Variants in RBFOX1 observed in about 807,000 individuals in gnomAD.
RBFOX1 encodes RNA binding protein fox-1 homolog 1.
A neutral mutation model predicts 57.7 loss-of-function variants in RBFOX1; 8 were observed. That is an observed-to-expected ratio of 0.14 (90% CI 0.08 to 0.25). The LOEUF (loss-of-function observed/expected upper bound fraction) is 0.25. Ranked by LOEUF, RBFOX1 falls within the 10% of genes least tolerant of loss-of-function variation. The pLI, the probability that RBFOX1 is intolerant of heterozygous loss-of-function variation, is 1.00. For synonymous variants in RBFOX1, 326 were observed against 222.4 expected, an observed-to-expected ratio of 1.47 and a Z score of -4.15; for missense variants, 611 against 548.5, an observed-to-expected ratio of 1.11 and a Z score of -1.14.
At chr16:5,872,178 G>T (rs2057490569) in intron 4 of RBFOX1, among the ~76,000 whole-genome samples, 1 of 152,208 alleles carries the variant, frequency 6.6e-6, no homozygotes, top group African/African-American at 2.4e-5. Flanking sequence ...GTGAACAGAA[G>T]ATCAGTCCTA....
intron 2 of RBFOX1, among the ~76,000 whole-genome samples, chr16:6,637,591 A>ATATAGTATATATATAATAGTCTG (rs1567988434): frequency 1.2e-4 from 17 of 142,426 alleles, no homozygotes; most frequent in Admixed American, 1.2e-3. Context: ...ATAATAGTCT[A>ATATAGTATATATATAATAGTCTG]TATATATATT....
intron 2 of RBFOX1, among the ~76,000 whole-genome samples, chr16:6,392,192 G>A (rs1057362212): frequency 6.6e-6 from 1 of 152,148 alleles, no homozygotes; most frequent in South Asian, 2.1e-4. Context: ...TCTAAAATTC[G>A]TGGCCCAACG....
intron 5 of RBFOX1, among the ~76,000 whole-genome samples, chr16:7,573,359 G>A (rs908636789): frequency 3.3e-5 from 5 of 152,124 alleles, no homozygotes; most frequent in Non-Finnish European, 5.9e-5. Flanking sequence ...TGACGATCCA[G>A]GTTGGAGACC....
intron 3 of RBFOX1, among the ~76,000 whole-genome samples, chr16:6,956,795 G>T (rs1320274920): frequency 2.6e-5 from 4 of 152,196 alleles, no homozygotes; most frequent in Non-Finnish European, 5.9e-5. Flanking sequence ...GGTATCTCAT[G>T]TGGTTGCAGA....
At chr16:5,496,184 G>A (rs949272199) in intron 2 of RBFOX1, among the ~76,000 whole-genome samples, 1 of 152,162 alleles carries the variant, frequency 6.6e-6, no homozygotes, top group African/African-American at 2.4e-5. Flanking sequence ...AAACCCCGCT[G>A]AGCACATCTC....
chr16:6,843,559 G>C (rs541177977), intron 3 of RBFOX1, among the ~76,000 whole-genome samples: 1 of 152,004 alleles, frequency 6.6e-6, no homozygotes, highest in Non-Finnish European at 1.5e-5. Context: ...CATGGTGGCG[G>C]GCACCTGTAG....
chr16:5,717,825 A>T (rs2051771603), intron 3 of RBFOX1, among the ~76,000 whole-genome samples: 1 of 152,176 alleles, frequency 6.6e-6, no homozygotes, highest in Non-Finnish European at 1.5e-5. Flanking sequence ...GATCCTCACA[A>T]CCACTATGTC....
intron 4 of RBFOX1, among the ~76,000 whole-genome samples, chr16:5,900,210 A>G (rs148276016): frequency 1.1e-4 from 17 of 152,336 alleles, no homozygotes; most frequent in African/African-American, 4.1e-4. Context: ...GGGTGGGGCC[A>G]ATGTGGGAGA....
chr16:5,905,227 C>G (rs796444447), intron 4 of RBFOX1, among the ~76,000 whole-genome samples: 27 of 151,766 alleles, frequency 1.8e-4, no homozygotes, highest in African/African-American at 6.3e-4. Context: ...GCCACCACAC[C>G]TAGCTAATTT....
At chr16:5,243,968 C>G (rs1374708862) in intron 1 of RBFOX1, among the ~76,000 whole-genome samples, 3 of 152,080 alleles carry the variant, frequency 2.0e-5, no homozygotes, top group African/African-American at 7.2e-5. Context: ...ATGATCTCCG[C>G]TCACTGCAAC....
chr16:6,574,771 G>A (rs1277864326), intron 2 of RBFOX1, among the ~76,000 whole-genome samples: 1 of 144,504 alleles, frequency 6.9e-6, no homozygotes, highest in Admixed American at 6.8e-5. Flanking sequence ...GGGCGTGGTG[G>A]CTCACGCCTG....
In RBFOX1 at chr16:7,009,895, T is replaced by A. The variant is rs185213102; in HGVS notation, c.-15-42162T>A. Among the ~76,000 whole-genome samples, 3 of 152,342 alleles carry A rather than the reference T, an allele frequency of 2.0e-5. No homozygotes were observed. The East Asian group carries it at 5.8e-4, about 29-fold the overall frequency. The stretch of plus-strand genomic sequence containing the variant: ...CTGGGCTATTTTGGTGCCGTTTAGC[T>A]GTGAACAAGTTTAATAATTTATAAA... On this transcript the variant is annotated intron_variant, in intron 3 of 15. Transcript: ENST00000550418.
At chr16:7,144,795 A>G (rs2074594518) in intron 4 of RBFOX1, among the ~76,000 whole-genome samples, 1 of 152,136 alleles carries the variant, frequency 6.6e-6, no homozygotes, top group African/African-American at 2.4e-5. Flanking sequence ...ATCAATAGCA[A>G]ATCAAGCTAT....
intron 2 of RBFOX1, among the ~76,000 whole-genome samples, chr16:6,532,963 C>A (rs1403633170): frequency 6.6e-6 from 1 of 152,168 alleles, no homozygotes; most frequent in Non-Finnish European, 1.5e-5. Flanking sequence ...TCCCAGTGTC[C>A]CTGTGGAACA....
At chr16:6,192,473 C>G (rs763419743) in intron 1 of RBFOX1, among the ~76,000 whole-genome samples, 1 of 152,028 alleles carries the variant, frequency 6.6e-6, no homozygotes, top group Non-Finnish European at 1.5e-5. Context: ...TCTCCATTTT[C>G]CCCTTCCTTC....
chr16:6,735,349 G>A (rs768701333), intron 3 of RBFOX1, among the ~76,000 whole-genome samples: 3 of 152,192 alleles, frequency 2.0e-5, no homozygotes, highest in Non-Finnish European at 2.9e-5. Context: ...ACTTAGTGCC[G>A]TCAGCTAGGG....
chr16:7,255,060 T>C (rs1418793741), intron 4 of RBFOX1, among the ~76,000 whole-genome samples: 1 of 152,150 alleles, frequency 6.6e-6, no homozygotes, highest in Non-Finnish European at 1.5e-5. Context: ...TTTTAATATT[T>C]TATTCATAAT....
intron 3 of RBFOX1, among the ~76,000 whole-genome samples, chr16:6,899,427 T>C (rs530889866): frequency 6.6e-6 from 1 of 152,298 alleles, no homozygotes; most frequent in Non-Finnish European, 1.5e-5. Flanking sequence ...ACATTACAAT[T>C]TTTACATTTT....
At chr16:6,202,376 C>T (rs188734895) in intron 1 of RBFOX1, among the ~76,000 whole-genome samples, 40 of 152,214 alleles carry the variant, frequency 2.6e-4, no homozygotes, top group Non-Finnish European at 4.9e-4. Context: ...CATTGACTGG[C>T]GATCTTCATG....
Sources: gnomAD v4.1 joint callset for allele counts (sites outside exome capture counted in the v4.1 genomes callset) on GRCh38, gnomAD v4.1.1 for gene constraint, MANE v1.5 for transcripts, NCBI Gene and HGNC (gene_info 2026-07-23, HGNC 2026-07-21) for gene names.